GPR158: variants seen among roughly 807,000 people sequenced by gnomAD.
GPR158 encodes metabotropic glycine receptor.
Under a neutral mutation model 78.2 loss-of-function variants are expected in GPR158, and 30 were observed. That is an observed-to-expected ratio of 0.38 (90% confidence interval 0.29 to 0.52). The LOEUF (loss-of-function observed/expected upper bound fraction) is 0.52. GPR158 is among the 20% of genes least tolerant of loss of function. The pLI, the probability that GPR158 is intolerant of heterozygous loss-of-function variation, is 0.83. For missense variants in GPR158, 1,463 were observed against 1,523.5 expected, an observed-to-expected ratio of 0.96 and a Z score of 0.66; for synonymous variants, 581 against 591.1, an observed-to-expected ratio of 0.98 and a Z score of 0.25.
chr10:25,342,480 A>G (rs1295680490), intron 2 of GPR158, among the ~76,000 whole-genome samples: 19 of 151,936 alleles, frequency 1.3e-4, no homozygotes, highest in Admixed American at 1.2e-3. Flanking sequence ...CAACTCTATT[A>G]TTGTTTTTAT....
chr10:25,596,574 TATAG>T lies in GPR158; in HGVS notation c.1999-65_1999-62del, dbSNP rs968602429. ...ATACCTATATAGATATAGGTATAGA[TATAG>T]ATATAGATATATGCAATGCGTTACA... On this transcript the variant is annotated intron_variant, in intron 9 of 10. Coordinates refer to ENST00000376351, the MANE Select transcript of GPR158 (RefSeq NM_020752.3). 5.7e-6 allele frequency: 6 copies of T among 1,052,278 alleles called. No individual in the cohort carries two copies. In the African/African-American group the frequency reaches 6.5e-5, roughly 11 times the overall value. 65.2% of individuals were successfully genotyped at this position (1,052,278 alleles called of 1,614,324 possible).
intron 2 of GPR158, among the ~76,000 whole-genome samples, chr10:25,317,100 G>T (rs1854865958): frequency 6.6e-6 from 1 of 150,816 alleles, no homozygotes; most frequent in South Asian, 2.1e-4. Context: ...GTGGAGTGCA[G>T]TTGGCGTGAT....
At chr10:25,543,655 T>TATCATTCCATACTCTATGTCC in intron 5 of GPR158, among the ~76,000 whole-genome samples, 1 of 152,204 alleles carries the variant, frequency 6.6e-6, no homozygotes, top group South Asian at 2.1e-4. Context: ...CCCCTTTGTC[T>TATCATTCCATACTCTATGTCC]ATCATTCCAT....
rs889649274 is a variant in GPR158, at chr10:25,175,721, G to A, written c.301G>A (p.Gly101Ser). The A allele has an allele frequency of 6.2e-6, 10 of 1,611,538 alleles. No individual in the cohort carries two copies. Among genetic ancestry groups the A allele is most frequent in the Non-Finnish European group, 8.5e-6 (10 of 1,179,912 alleles). Residue 101 changes from glycine to serine, a missense_variant, in exon 1 of 11, where the codon GGC becomes AGC. Coordinates refer to ENST00000376351, the MANE Select transcript of GPR158 (RefSeq NM_020752.3). This position sits in a 1 kb window ranked among gnomAD's most constrained non-coding sequence, Gnocchi z 6.4. ...CCAGCTGAAGCGAGCCAACTGCTCC[G>A]GCCGCTACGAGTTGGCGGGCCTGCC... ...SHQLKRANCSGRYELAGLPGK... is the reference protein window; with the variant it reads ...SHQLKRANCSSRYELAGLPGK...
In GPR158 at chr10:25,175,304, C is replaced by T; in HGVS notation, c.-117C>T. 1.6e-6 allele frequency: 1 copy of T among 636,716 alleles called. No individual in the cohort carries two copies. Among genetic ancestry groups the T allele is most frequent in the Non-Finnish European group, 2.8e-6 (1 of 360,040 alleles). 39.4% of individuals were successfully genotyped at this position (636,716 alleles called of 1,614,324 possible). ...ATTTTCAAGTCCTTTGGACTGGGTG[C>T]CATCTGGAGAAGGGGGAAGACTCCT... On this transcript the variant is annotated 5_prime_UTR_variant, in exon 1 of 11. Transcript: ENST00000376351. The surrounding 1 kb of genome is among the most constrained non-coding windows in gnomAD (Gnocchi z 6.4).
rs547595693 is a variant in GPR158 at position 25,280,738 on chromosome 10, T to C, written c.1008+59581T>C. On this transcript the variant is annotated intron_variant, in intron 2 of 10. Transcript: ENST00000376351. ...ATGTATGTATGTATGTATGTATGTATGTACGTACGTACATACGTACATATT... is the reference window on the plus strand; with the variant it reads ...ATGTATGTATGTATGTATGTATGTACGTACGTACGTACATACGTACATATT... 4.8e-5 allele frequency among the ~76,000 whole-genome samples: 7 copies of C among 147,018 alleles called. No homozygotes were observed. In the East Asian group the frequency reaches 5.8e-4, roughly 12 times the overall value.
intron 1 of GPR158, among the ~76,000 whole-genome samples, chr10:25,199,136 T>TTC (rs1852886157): frequency 6.6e-6 from 1 of 151,466 alleles, no homozygotes; most frequent in Non-Finnish European, 1.5e-5. Context: ...TTTTGTTTTT[T>TTC]TTTTGCTTTT....
chr10:25,412,631 C>T (rs1316270565), intron 4 of GPR158, among the ~76,000 whole-genome samples, 158 bp downstream of exon 4: 1 of 152,166 alleles, frequency 6.6e-6, no homozygotes, highest in African/African-American at 2.4e-5. Flanking sequence ...CTTTAGCTGA[C>T]CAGAAAAATA....
chr10:25,365,244 AAAC>A (rs1288185041), intron 2 of GPR158, among the ~76,000 whole-genome samples: 10 of 8,076 alleles, frequency 1.2e-3, no homozygotes, highest in Non-Finnish European at 5.6e-3. Flanking sequence ...TGTGAGTGAT[AAAC>A]AATATTTAAT....
At chr10:25,345,454 T>C (rs1855359597) in intron 2 of GPR158, among the ~76,000 whole-genome samples, 1 of 152,012 alleles carries the variant, frequency 6.6e-6, no homozygotes, top group Non-Finnish European at 1.5e-5. Context: ...CTATTAATGT[T>C]ATAATGTAGT....
At chr10:25,186,125 G>A (rs1331398402) in intron 1 of GPR158, among the ~76,000 whole-genome samples, 1 of 152,118 alleles carries the variant, frequency 6.6e-6, no homozygotes, top group African/African-American at 2.4e-5. Context: ...AATGACTACT[G>A]GGTACATAAC....
At chr10:25,551,234 A>G (rs1564487385) in intron 6 of GPR158, 149 bp downstream of exon 6, 1 of 598,500 alleles carries the variant, frequency 1.7e-6, no homozygotes, top group East Asian at 2.8e-5. Flanking sequence ...TCAAGGTGTG[A>G]CATCTTTTGG....
At chr10:25,321,874 C>T (rs1027412582) in intron 2 of GPR158, among the ~76,000 whole-genome samples, 32 of 152,108 alleles carry the variant, frequency 2.1e-4, no homozygotes, top group Admixed American at 2.0e-3. Context: ...ATTTTTTATT[C>T]TAGCATTTCA....
intron 2 of GPR158, among the ~76,000 whole-genome samples, chr10:25,328,053 T>A (rs538811952): frequency 6.6e-6 from 1 of 152,308 alleles, no homozygotes; most frequent in African/African-American, 2.4e-5. Context: ...CTATAGATAA[T>A]GCTAAAGCAT....
At chr10:25,216,288 T>A (rs1853212695) in intron 1 of GPR158, among the ~76,000 whole-genome samples, 1 of 152,238 alleles carries the variant, frequency 6.6e-6, no homozygotes, top group South Asian at 2.1e-4. Context: ...ATCCCATCAA[T>A]GTTGACTACA....
At chr10:25,501,109 C>T (rs113153328) in intron 5 of GPR158, among the ~76,000 whole-genome samples, 1,688 of 152,240 alleles carry the variant, frequency 0.011, 11 homozygotes, top group Non-Finnish European at 0.016. Context: ...GGGACTCCGA[C>T]CTGTTGAGCA....
At chr10:25,377,709 A>G (rs1264225358) in intron 2 of GPR158, among the ~76,000 whole-genome samples, 1 of 152,088 alleles carries the variant, frequency 6.6e-6, no homozygotes, top group Non-Finnish European at 1.5e-5. Context: ...TATTAGTACT[A>G]CATTCCTTTT....
chr10:25,393,274 TATC>T (rs1407101656), intron 2 of GPR158, among the ~76,000 whole-genome samples: 2 of 152,310 alleles, frequency 1.3e-5, no homozygotes, highest in African/African-American at 2.4e-5. Context: ...TGCTGAGTCA[TATC>T]ATCATGAAAT....
At chr10:25,453,267 TTATTC>T (rs1159766724) in intron 4 of GPR158, among the ~76,000 whole-genome samples, 1 of 152,206 alleles carries the variant, frequency 6.6e-6, no homozygotes, top group Non-Finnish European at 1.5e-5. Flanking sequence ...GATCATACGA[TTATTC>T]TATTTTTAAT....
Sources: gnomAD v4.1 joint callset for allele counts (sites outside exome capture counted in the v4.1 genomes callset) on GRCh38, gnomAD v4.1.1 for gene constraint, Gnocchi (gnomAD v3.1) non-coding constraint, MANE v1.5 for transcripts, NCBI Gene and HGNC (gene_info 2026-07-23, HGNC 2026-07-21) for gene names.